USP54: variants seen among roughly 807,000 people sequenced by gnomAD.
USP54 encodes the protein ubiquitin carboxyl-terminal hydrolase 54.
A neutral mutation model predicts 170.5 loss-of-function variants in USP54; 87 were observed. The ratio of observed to expected loss-of-function variants is 0.51; its 90% confidence interval spans 0.43 to 0.61. USP54 has a LOEUF of 0.61. Among genes scored for constraint, USP54 ranks in the 20% least tolerant of loss-of-function variants. The probability of loss-of-function intolerance (pLI) is 0.00; values close to 1 mark genes in which losing one functional copy is unlikely to be tolerated. For synonymous variants in USP54, 655 were observed against 742.8 expected (o/e 0.88, Z 1.92); for missense variants, 1,786 against 2,047.8 (o/e 0.87, Z 2.47).
At position 73,523,575 on chromosome 10, in the gene USP54, A is replaced by G; in HGVS notation, c.2362+8T>C. 6.3e-7 allele frequency: 1 copy of G among 1,587,836 alleles called. No individual in the cohort carries two copies. The highest frequency in any genetic ancestry group is 8.6e-7 in the Non-Finnish European group (1 of 1,162,270). On this transcript the variant is annotated splice_region_variant and intron_variant, in intron 17 of 23. Transcript: ENST00000687698. Reference sequence around the variant, plus strand: ...CATCACCCACAACCTAATGCTCACAACAATTACCCTGATTCTGCAGTTCAT... The same window carrying G: ...CATCACCCACAACCTAATGCTCACAGCAATTACCCTGATTCTGCAGTTCAT...
chr10:73,515,260 T>C (rs1458031328), intron 20 of USP54, among the ~76,000 whole-genome samples: 1 of 151,924 alleles, frequency 6.6e-6, no homozygotes, highest in Non-Finnish European at 1.5e-5. Flanking sequence ...CATGCCATTT[T>C]AGAGTTAGAA....
chr10:73,509,364 G>A (rs1327433944), intron 20 of USP54, among the ~76,000 whole-genome samples: 1 of 151,646 alleles, frequency 6.6e-6, no homozygotes, highest in Admixed American at 6.6e-5. Flanking sequence ...CACTTTGGGA[G>A]GCCAAGGCAG....
intron 15 of USP54, among the ~76,000 whole-genome samples, chr10:73,527,837 CA>C (rs1015620084): frequency 0.013 from 549 of 43,744 alleles, 2 homozygotes; most frequent in Non-Finnish European, 0.018. Context: ...CCATCGATAC[CA>C]AAAAAAAAAA....
intron 4 of USP54, among the ~76,000 whole-genome samples, chr10:73,560,388 C>G (rs1234516443): frequency 6.6e-6 from 1 of 151,874 alleles, no homozygotes; most frequent in African/African-American, 2.4e-5. Flanking sequence ...GGCATGGTGG[C>G]TCACGCCTGT....
chr10:73,589,038 C>T (rs1354452150), intron 1 of USP54, among the ~76,000 whole-genome samples: 1 of 152,154 alleles, frequency 6.6e-6, no homozygotes, highest in South Asian at 2.1e-4. Context: ...CTTCTCTCTC[C>T]CTCCCAGGAA....
chr10:73,542,405 A>T (rs977623098), intron 7 of USP54, among the ~76,000 whole-genome samples: 1 of 152,106 alleles, frequency 6.6e-6, no homozygotes, highest in Non-Finnish European at 1.5e-5. Flanking sequence ...CGGCCAAGAT[A>T]TAAAACTATT....
chr10:73,616,806 CAG>C (rs1303479360), intron 1 of USP54, among the ~76,000 whole-genome samples: 1 of 150,172 alleles, frequency 6.7e-6, no homozygotes, highest in Non-Finnish European at 1.5e-5. Flanking sequence ...ACCTTAACAA[CAG>C]AGAGAGACTC....
At chr10:73,548,006 A>C (rs1286794404) in intron 4 of USP54, among the ~76,000 whole-genome samples, 1 of 152,204 alleles carries the variant, frequency 6.6e-6, no homozygotes, top group Non-Finnish European at 1.5e-5. Context: ...AATATCCAGA[A>C]TCTACAAAGA....
intron 1 of USP54, among the ~76,000 whole-genome samples, chr10:73,604,702 T>C (rs1373428989): frequency 6.6e-6 from 1 of 151,662 alleles, no homozygotes; most frequent in East Asian, 1.9e-4. Flanking sequence ...GCCATTCTCC[T>C]GCCTCAGCCT....
intron 1 of USP54, among the ~76,000 whole-genome samples, chr10:73,608,708 C>T (rs1367481701): frequency 6.6e-6 from 1 of 152,016 alleles, no homozygotes; most frequent in African/African-American, 2.4e-5. Context: ...CCAGCCTAGC[C>T]AACATGATGA....
At chr10:73,621,861 C>G (rs548499462) in intron 1 of USP54, among the ~76,000 whole-genome samples, 3 of 152,072 alleles carry the variant, frequency 2.0e-5, no homozygotes, top group African/African-American at 7.2e-5. Context: ...TATTTAGCAC[C>G]ATGCTAACAT....
rs1254522455 is a variant in USP54, at chr10:73,500,748, G to A, written c.4402C>T (p.Leu1468Phe). 6.2e-7 allele frequency: 1 copy of A among 1,604,148 alleles called. No homozygotes were observed. The highest frequency in any genetic ancestry group is 8.5e-7 in the Non-Finnish European group (1 of 1,176,080). The part of the protein sequence containing the change: ...LPVIHDPSVF[L>F]LGPQLYLPQP... ...GGAAGGTAGAGTTGGGGACCGAGGA[G>A]AAACACAGAAGGGTCATGGATGACA... The change falls in exon 23 of 24, where the codon CTC (leucine) becomes TTC (phenylalanine). Residue 1468 changes from leucine to phenylalanine, a missense_variant. Around this residue, in one of 3 missense-constraint regions of USP54, gnomAD observed 1,418 missense variants for 1,569.0 expected, o/e 0.90. Coordinates refer to ENST00000687698, the MANE Select transcript of USP54 (RefSeq NM_001391956.1).
intron 4 of USP54, among the ~76,000 whole-genome samples, chr10:73,552,386 C>T (rs1179748165): frequency 6.8e-6 from 1 of 147,716 alleles, no homozygotes; most frequent in Non-Finnish European, 1.5e-5. Context: ...GCATTCCAGC[C>T]TGGGTGATAG....
At chr10:73,571,573 TAA>T in intron 3 of USP54, 60 bp from the exon 4 acceptor site, 1 of 1,405,902 alleles carries the variant, frequency 7.1e-7, no homozygotes, top group Non-Finnish European at 1.0e-6. Context: ...AATTTTAAAG[TAA>T]AGAGTTCAAA....
chr10:73,591,001 A>AT (rs1166562651), intron 1 of USP54, among the ~76,000 whole-genome samples: 8,592 of 147,280 alleles, frequency 0.058, 734 homozygotes, highest in African/African-American at 0.19. Flanking sequence ...AAATCTATGA[A>AT]TTTTTTTTTT....
Position 73,529,831 on chromosome 10 carries a change from G to C in USP54, c.1909C>G (p.Arg637Gly). 6.2e-7 allele frequency: 1 copy of C among 1,605,570 alleles called. No individual in the cohort carries two copies. Among genetic ancestry groups the C allele is most frequent in the African/African-American group, 1.3e-5 (1 of 74,718 alleles). Residue 637 changes from arginine to glycine, a missense_variant, in exon 15 of 24, where the codon CGC becomes GGC. Physicochemically the swap from Arg to Gly is moderately radical, Grantham distance 125. Transcript: ENST00000687698. The stretch of plus-strand genomic sequence containing the variant: ...GAGCCTGGCCGTGCTGGGCCCCAGC[G>C]CTTGTACTGGGGGCTTGGTCCACCA... Reference protein sequence around the residue: ...KFGGPSPQYKRWGPARPGSHL... With the variant: ...KFGGPSPQYKGWGPARPGSHL...
chr10:73,602,799 T>A (rs1447550522), intron 1 of USP54, among the ~76,000 whole-genome samples: 20 of 132,908 alleles, frequency 1.5e-4, no homozygotes, highest in African/African-American at 5.9e-4. Context: ...GAGGTTGCAG[T>A]GAGCTGAGAT....
At chr10:73,505,453 T>G in intron 20 of USP54, 27 bp from the exon 21 acceptor site, 1 of 1,601,578 alleles carries the variant, frequency 6.2e-7, no homozygotes, top group South Asian at 1.1e-5. Flanking sequence ...AAATACAAGT[T>G]GAGGCCATCT....
intron 4 of USP54, among the ~76,000 whole-genome samples, chr10:73,556,034 C>A (rs190311859): frequency 6.6e-6 from 1 of 152,102 alleles, no homozygotes. Context: ...GAAGGATGAT[C>A]AAAGGACCAT....
Sources: gnomAD v4.1 joint callset for allele counts (sites outside exome capture counted in the v4.1 genomes callset) on GRCh38, gnomAD v4.1.1 for gene constraint, gnomAD v4.1.1 regional missense constraint, MANE v1.5 for transcripts, NCBI Gene and HGNC (gene_info 2026-07-23, HGNC 2026-07-21) for gene names.